The following OTUD7A variants were observed in gnomAD, a reference collection of about 807,000 sequenced individuals.
OTUD7A encodes OTU domain-containing protein 7A.
OTUD7A carries 12 observed loss-of-function variants against 65.7 expected under a neutral mutation model. The ratio of observed to expected loss-of-function variants is 0.18; its 90% CI spans 0.12 to 0.30. The LOEUF (loss-of-function observed/expected upper bound fraction) is 0.30, where lower values mean the gene tolerates loss of function less well. Ranked by LOEUF, OTUD7A falls within the 10% of genes least tolerant of loss-of-function variation. The pLI, the probability that OTUD7A is intolerant of heterozygous loss-of-function variation, is 1.00. For missense variants in OTUD7A, 1,148 were observed against 1,304.8 expected (o/e 0.88, Z 1.85); for synonymous variants, 641 against 586.3 (o/e 1.09, Z -1.35).
At chr15:31,739,229 C>G (rs1894272991) in intron 1 of OTUD7A, among the ~76,000 whole-genome samples, 1 of 152,034 alleles carries the variant, frequency 6.6e-6, no homozygotes, top group African/African-American at 2.4e-5. Flanking sequence ...CCAACAAACA[C>G]CTGTGGATTG....
intron 3 of OTUD7A, among the ~76,000 whole-genome samples, chr15:31,610,617 A>ATATATATATATTTTTTTTTTTTT: frequency 2.3e-4 from 7 of 30,558 alleles, no homozygotes; most frequent in South Asian, 1.5e-3. Flanking sequence ...ATATATATAT[A>ATATATATATATTTTTTTTTTTTT]TTTTTTTTTT....
intron 1 of OTUD7A, chr15:31,689,362 T>C (rs1892912072): frequency 6.6e-6 from 1 of 151,236 alleles, no homozygotes; most frequent in South Asian, 2.1e-4. Context: ...GACTTACTTT[T>C]CAGACACCTG....
intron 8 of OTUD7A, among the ~76,000 whole-genome samples, chr15:31,510,248 A>T (rs1283627794): frequency 6.6e-6 from 1 of 151,982 alleles, no homozygotes; most frequent in Non-Finnish European, 1.5e-5. Flanking sequence ...CGTAAGAGTT[A>T]GGTCCTTTCA....
intron 1 of OTUD7A, among the ~76,000 whole-genome samples, chr15:31,839,676 G>C (rs183574326): frequency 6.6e-5 from 10 of 152,256 alleles, no homozygotes; most frequent in Admixed American, 5.9e-4. Context: ...GAACCAAAAA[G>C]TGGGTTGAGA....
At chr15:31,801,211 G>A (rs1896115977) in intron 1 of OTUD7A, among the ~76,000 whole-genome samples, 1 of 152,240 alleles carries the variant, frequency 6.6e-6, no homozygotes, top group African/African-American at 2.4e-5. Context: ...GCCAGGGCCA[G>A]CGGGCATTGC....
chr15:31,481,938 C>A lies in OTUD7A; in HGVS notation c.*1356G>T, dbSNP rs1008671412. On this transcript the variant is annotated 3_prime_UTR_variant, in exon 13 of 13. Coordinates refer to ENST00000307050, the MANE Select transcript of OTUD7A (RefSeq NM_001382637.1). ...AGGCTCTCACAGGTTTTATAGTATT[C>A]TTTGTTAGTGAGGATTTTACCCATC... The A allele has an allele frequency of 1.3e-5, 2 of 152,148 alleles. No homozygotes were observed. Among genetic ancestry groups the A allele is most frequent in the African/African-American group, 4.8e-5 (2 of 41,416 alleles). The allele number at this position is 152,148 out of a possible 1,614,324, so 9.4% of individuals were successfully genotyped here.
chr15:31,742,858 A>G (rs1214527128), intron 1 of OTUD7A, among the ~76,000 whole-genome samples: 2 of 152,272 alleles, frequency 1.3e-5, no homozygotes, highest in East Asian at 3.9e-4. Context: ...CTTCAAGAAA[A>G]AAGTATTACC....
intron 1 of OTUD7A, chr15:31,766,280 G>A (rs185026935): frequency 6.2e-7 from 1 of 1,602,320 alleles, no homozygotes; most frequent in East Asian, 2.2e-5. Flanking sequence ...CATGAAGTTT[G>A]GGCATATCAA....
Position 31,815,532 on chromosome 15 carries a change from C to T in OTUD7A, c.-100+54975G>A, listed in dbSNP as rs148160605. Among the ~76,000 whole-genome samples, 122 of 152,380 alleles carry T rather than the reference C, an allele frequency of 8.0e-4. 1 individual carries two copies. Among genetic ancestry groups the T allele is most frequent in the African/African-American group, 2.9e-3 (119 of 41,586 alleles). On this transcript the variant is annotated intron_variant, in intron 1 of 12. Coordinates refer to ENST00000307050, the MANE Select transcript of OTUD7A (RefSeq NM_001382637.1). ...CTAATTTGTGTCTGAGTTCATTGAA[C>T]ATCCAGTGCTTCTGACCTCTCTGCC... is the stretch of plus-strand genomic sequence containing the variant.
At position 31,543,265 on chromosome 15, in the gene OTUD7A, G is replaced by A. The variant is rs183629429; in HGVS notation, c.551-12457C>T. On this transcript the variant is annotated intron_variant, in intron 5 of 12. Transcript: ENST00000307050. The stretch of plus-strand genomic sequence containing the variant: ...AGATGTGATTCATACGCATATTTTA[G>A]GGGTAAACTCTTAATAATGGAAAGA... Among the ~76,000 whole-genome samples the A allele has an allele frequency of 2.9e-3, 439 of 151,932 alleles. 5 individuals are homozygous for A. Among genetic ancestry groups the A allele is most frequent in the Non-Finnish European group, 3.7e-3 (252 of 67,740 alleles).
chr15:31,511,918 A>G (rs78571876), intron 8 of OTUD7A, among the ~76,000 whole-genome samples: 23 of 151,418 alleles, frequency 1.5e-4, no homozygotes, highest in Non-Finnish European at 2.8e-4. Flanking sequence ...GGGATTTCTC[A>G]CCTCTTTTTG....
intron 1 of OTUD7A, among the ~76,000 whole-genome samples, chr15:31,825,385 A>G (rs1181720575): frequency 2.6e-5 from 4 of 152,184 alleles, no homozygotes; most frequent in Non-Finnish European, 5.9e-5. Flanking sequence ...GAAAGATGCA[A>G]AAGTGGAAAC....
chr15:31,497,636 G>A (rs778962087), intron 10 of OTUD7A, among the ~76,000 whole-genome samples: 3 of 152,054 alleles, frequency 2.0e-5, no homozygotes, highest in African/African-American at 4.8e-5. Flanking sequence ...TACCCTCTTC[G>A]ACCCTGAAGG....
At chr15:31,503,654 G>A (rs550754428) in intron 9 of OTUD7A, 37 bp downstream of exon 9, 20 of 1,613,518 alleles carry the variant, frequency 1.2e-5, no homozygotes, top group Admixed American at 6.7e-5. Context: ...TATGCTTTCT[G>A]TGTCATGAAT....
intron 1 of OTUD7A, among the ~76,000 whole-genome samples, chr15:31,863,629 C>CT (rs1028595843): frequency 1.3e-5 from 2 of 152,218 alleles, no homozygotes; most frequent in African/African-American, 2.4e-5. Context: ...AGTCCCTAGG[C>CT]TGCACACAGC....
intron 3 of OTUD7A, among the ~76,000 whole-genome samples, chr15:31,595,295 T>A (rs773351466): frequency 1.3e-5 from 2 of 152,242 alleles, no homozygotes; most frequent in African/African-American, 2.4e-5. Flanking sequence ...GTTCTCACAG[T>A]CTTTCATTTA....
At chr15:31,869,340 T>C (rs1897962337) in intron 1 of OTUD7A, among the ~76,000 whole-genome samples, 2 of 152,184 alleles carry the variant, frequency 1.3e-5, no homozygotes. Context: ...GGCAGGCTTC[T>C]CCGGGCACAC....
At chr15:31,649,765 G>A (rs1017360069) in intron 3 of OTUD7A, 21 of 446,082 alleles carry the variant, frequency 4.7e-5, no homozygotes, top group Admixed American at 2.6e-4. Flanking sequence ...GGTGCAGCCG[G>A]GACCCCTGGA....
At chr15:31,740,762 T>G (rs1894321235) in intron 1 of OTUD7A, among the ~76,000 whole-genome samples, 1 of 152,154 alleles carries the variant, frequency 6.6e-6, no homozygotes, top group Admixed American at 6.5e-5. Context: ...ATTGGCAGAC[T>G]GAACGCAAGA....
Sources: allele counts gnomAD v4.1 joint callset (sites outside exome capture counted in the v4.1 genomes callset), GRCh38; gene constraint gnomAD v4.1.1; transcripts MANE v1.5; gene names NCBI Gene and HGNC (gene_info 2026-07-23, HGNC 2026-07-21).